Variants in TAF1B observed in about 807,000 individuals in gnomAD.
TAF1B encodes the protein TATA-box binding protein associated factor, RNA polymerase I subunit B, also known as TATA box-binding protein-associated factor RNA polymerase I subunit B.
Under a neutral mutation model 83.9 loss-of-function variants are expected in TAF1B, and 61 were observed. The observed-to-expected ratio is 0.73, with a 90% CI of 0.59 to 0.90. The LOEUF (loss-of-function observed/expected upper bound fraction) is 0.90, where lower values mean the gene tolerates loss of function less well. Among genes scored for constraint, TAF1B ranks in the 40% least tolerant of loss-of-function variants. The probability of loss-of-function intolerance (pLI) is 0.00; values close to 1 mark genes in which losing one functional copy is unlikely to be tolerated. For synonymous variants in TAF1B, 221 were observed against 224.6 expected (o/e 0.98, Z 0.14); for missense variants, 625 against 677.0 (o/e 0.92, Z 0.85).
chr2:9,909,091 T>C (rs903813604), intron 9 of TAF1B, among the ~76,000 whole-genome samples: 1 of 152,260 alleles, frequency 6.6e-6, no homozygotes, highest in African/African-American at 2.4e-5. Flanking sequence ...TAACAAAGCA[T>C]TTTTTAATCA....
chr2:9,931,673 T>C (rs898525983), intron 14 of TAF1B, among the ~76,000 whole-genome samples: 22 of 152,188 alleles, frequency 1.4e-4, no homozygotes, highest in African/African-American at 5.3e-4. Flanking sequence ...GGAGTATCTT[T>C]GTGTGGTGTT....
chr2:9,858,299 A>G (rs1234779522), intron 5 of TAF1B, among the ~76,000 whole-genome samples: 2 of 152,228 alleles, frequency 1.3e-5, no homozygotes, highest in African/African-American at 4.8e-5. Context: ...CATGTCTCAC[A>G]TCCAGGCATG....
intron 8 of TAF1B, among the ~76,000 whole-genome samples, chr2:9,889,300 T>TA (rs1448806190): frequency 6.6e-6 from 1 of 152,126 alleles, no homozygotes; most frequent in Non-Finnish European, 1.5e-5. Flanking sequence ...CCTTTCTGCT[T>TA]ACTATGTTTT....
chr2:9,897,737 C>T (rs1665059246), intron 8 of TAF1B, among the ~76,000 whole-genome samples: 2 of 152,112 alleles, frequency 1.3e-5, no homozygotes, highest in African/African-American at 4.8e-5. Flanking sequence ...TTTGATCTGC[C>T]CAGAATCTTC....
At chr2:9,894,313 T>G (rs1664956577) in intron 8 of TAF1B, among the ~76,000 whole-genome samples, 1 of 152,200 alleles carries the variant, frequency 6.6e-6, no homozygotes, top group African/African-American at 2.4e-5. Flanking sequence ...ATTTCTAGAC[T>G]GCTTCTGATA....
At chr2:9,845,374 G>T in intron 2 of TAF1B, 56 bp downstream of exon 2, 5 of 1,428,398 alleles carry the variant, frequency 3.5e-6, no homozygotes, top group South Asian at 3.5e-5. Flanking sequence ...TGCCATTTCA[G>T]CCTGATATGT....
At chr2:9,866,413 G>T (rs369473922) in intron 5 of TAF1B, among the ~76,000 whole-genome samples, 1 of 150,718 alleles carries the variant, frequency 6.6e-6, no homozygotes, top group Non-Finnish European at 1.5e-5. Context: ...TTAGAATGGC[G>T]ATCATTAAAA....
intron 14 of TAF1B, among the ~76,000 whole-genome samples, chr2:9,925,589 G>A (rs1348077091): frequency 1.4e-5 from 2 of 147,340 alleles, no homozygotes; most frequent in African/African-American, 5.0e-5. Context: ...TGGGGTGTTT[G>A]TTTTTTTTTT....
chr2:9,896,808 T>C (rs1332216640), intron 8 of TAF1B, among the ~76,000 whole-genome samples: 3 of 152,142 alleles, frequency 2.0e-5, no homozygotes, highest in South Asian at 4.1e-4. Context: ...GGTTTTTCTT[T>C]TTCTAAGCAG....
chr2:9,929,198 G>A (rs56241824), intron 14 of TAF1B, among the ~76,000 whole-genome samples: 43,228 of 150,248 alleles, frequency 0.29, 6,954 homozygotes, highest in Middle Eastern at 0.4. Context: ...TCGCTCTGTC[G>A]CCCAGGCTGG....
chr2:9,867,340 G>T (rs568111485), intron 5 of TAF1B, among the ~76,000 whole-genome samples: 2 of 152,290 alleles, frequency 1.3e-5, no homozygotes, highest in African/African-American at 4.8e-5. Context: ...GGTAACCTGT[G>T]GGAACCTGTG....
chr2:9,926,986 A>AG (rs1666061505), intron 14 of TAF1B, among the ~76,000 whole-genome samples: 2 of 151,202 alleles, frequency 1.3e-5, no homozygotes, highest in African/African-American at 2.4e-5. Flanking sequence ...CTGGTCATTT[A>AG]CATTAGGTAT....
At chr2:9,861,613 T>A (rs1166279030) in intron 5 of TAF1B, among the ~76,000 whole-genome samples, 1 of 152,202 alleles carries the variant, frequency 6.6e-6, no homozygotes, top group Non-Finnish European at 1.5e-5. Flanking sequence ...TCTCCCACCA[T>A]GCAGCTTGAG....
Position 9,879,803 on chromosome 2 carries a change from C to G in TAF1B, c.708-2903C>G, listed in dbSNP as rs568157676. Among the ~76,000 whole-genome samples the G allele has an allele frequency of 1.2e-3, 175 of 152,092 alleles. 5 individuals carry two copies. The South Asian group carries it at 0.036, about 31-fold the overall frequency. ...ATAATTTATATATAATAAAATGCACCCTTTAAAAATATACAATTCAGTGGT... is the reference window on the plus strand; with the variant it reads ...ATAATTTATATATAATAAAATGCACGCTTTAAAAATATACAATTCAGTGGT... On this transcript the variant is annotated intron_variant, in intron 7 of 14. Coordinates refer to ENST00000263663, the MANE Select transcript of TAF1B (RefSeq NM_005680.3).
intron 5 of TAF1B, among the ~76,000 whole-genome samples, chr2:9,857,730 G>A (rs1663609562): frequency 6.6e-6 from 1 of 152,134 alleles, no homozygotes; most frequent in Non-Finnish European, 1.5e-5. Flanking sequence ...CAGCAGGAGA[G>A]ACAGAGAGAG....
intron 6 of TAF1B, among the ~76,000 whole-genome samples, chr2:9,873,327 G>A (rs79743161): frequency 1.3e-4 from 20 of 152,282 alleles, no homozygotes; most frequent in African/African-American, 4.8e-4. Context: ...TTGGAGAAAG[G>A]GATTTTGAGG....
At chr2:9,885,773 A>G (rs1265655561) in intron 8 of TAF1B, among the ~76,000 whole-genome samples, 1 of 143,766 alleles carries the variant, frequency 7.0e-6, no homozygotes, top group Non-Finnish European at 1.5e-5. Flanking sequence ...TCTCTCCCTT[A>G]ATCTCCAGCA....
intron 14 of TAF1B, among the ~76,000 whole-genome samples, chr2:9,925,122 A>G (rs749438134): frequency 4.6e-5 from 7 of 152,206 alleles, no homozygotes; most frequent in Non-Finnish European, 1.0e-4. Context: ...ATTATTTTTT[A>G]ACTATTTTTT....
intron 8 of TAF1B, among the ~76,000 whole-genome samples, chr2:9,893,373 G>A (rs185868802): frequency 1.3e-5 from 2 of 152,152 alleles, no homozygotes; most frequent in East Asian, 3.9e-4. Flanking sequence ...GAAAAAATAA[G>A]CCAAACAAAA....
Sources: allele counts gnomAD v4.1 joint callset (sites outside exome capture counted in the v4.1 genomes callset), GRCh38; gene constraint gnomAD v4.1.1; transcripts MANE v1.5; gene names NCBI Gene and HGNC (gene_info 2026-07-23, HGNC 2026-07-21).